Variants in ITPR3 observed in about 807,000 individuals in gnomAD.
ITPR3 encodes the protein inositol 1,4,5-trisphosphate-gated calcium channel ITPR3.
Under a neutral mutation model 293.2 loss-of-function variants are expected in ITPR3, and 173 were observed. That is an observed-to-expected ratio of 0.59 (90% CI 0.52 to 0.67). ITPR3 has a LOEUF of 0.67. Ranked by LOEUF, ITPR3 falls within the 30% of genes least tolerant of loss-of-function variation. ITPR3 has a pLI of 0.00. For missense variants in ITPR3, 2,796 were observed against 3,592.1 expected, an observed-to-expected ratio of 0.78 and a Z score of 5.66; for synonymous variants, 1,295 against 1,444.4, an observed-to-expected ratio of 0.90 and a Z score of 2.35.
chr6:33,663,642 T>C (rs1764534714), intron 10 of ITPR3, 92 bp downstream of exon 10: 5 of 1,607,320 alleles, frequency 3.1e-6, no homozygotes, highest in East Asian at 2.2e-5. Context: ...GGAGGTGGGC[T>C]GGAGGGAGAC....
Position 33,667,778 on chromosome 6 carries a change from G to T in ITPR3, c.1714-14G>T. ...TGTGACTCTCTGTGACCCCCAGCCT[G>T]TCTGCCCCCCCAGGAGCACATTGCC... is the stretch of plus-strand genomic sequence containing the variant. On this transcript the variant is annotated splice_polypyrimidine_tract_variant and intron_variant, in intron 15 of 57. Coordinates refer to ENST00000605930, the MANE Select transcript of ITPR3 (RefSeq NM_002224.4). The surrounding 1 kb of genome is among the most constrained non-coding windows in gnomAD (Gnocchi z 4.4). 6.2e-7 allele frequency: 1 copy of T among 1,613,636 alleles called. No homozygotes were observed. The highest frequency in any genetic ancestry group is 1.3e-5 in the African/African-American group (1 of 75,018).
chr6:33,649,755 A>G (rs1041426472), intron 2 of ITPR3, among the ~76,000 whole-genome samples: 2 of 152,186 alleles, frequency 1.3e-5, no homozygotes, highest in African/African-American at 2.4e-5. Context: ...TGAGCAGCAG[A>G]ACCATGTGGG....
chr6:33,678,602 G>GC, intron 29 of ITPR3, 37 bp from the exon 30 acceptor site: 2 of 1,455,500 alleles, frequency 1.4e-6, no homozygotes, highest in Non-Finnish European at 1.9e-6. Context: ...TGGGGGCGGG[G>GC]CCCAGATCTC....
intron 24 of ITPR3, among the ~76,000 whole-genome samples, chr6:33,674,905 C>T (rs6913517): frequency 0.059 from 9,010 of 152,162 alleles, 275 homozygotes; most frequent in African/African-American, 0.067. Flanking sequence ...CGAATATAAA[C>T]GATATTTTGT....
At position 33,664,876 on chromosome 6, in the gene ITPR3, G is replaced by C. The variant is rs754950000; in HGVS notation, c.1155G>C (p.Ser385=). Residue 385 remains serine (S), a synonymous_variant, in exon 12 of 58, where the codon TCG becomes TCC. Transcript: ENST00000605930. The surrounding 1 kb of genome is among the most constrained non-coding windows in gnomAD (Gnocchi z 4.4). ...CCCTCCCACCCACCTGCAGGAACTC[G>C]TACGTCCGGCTGCGGCACCTCTGCA... ...QKTDSFVPRN[S]YVRLRHLCTN... is the part of the protein sequence containing the mutation. 34 of 1,613,484 alleles carry C rather than the reference G, an allele frequency of 2.1e-5. No individual in the cohort carries two copies. The highest frequency in any genetic ancestry group is 3.3e-5 in the Admixed American group (2 of 59,990).
rs867279376 is a variant in ITPR3 at position 33,683,246 on chromosome 6, C to T, written c.4637C>T (p.Ala1546Val). The T allele has an allele frequency of 6.4e-7, 1 of 1,558,738 alleles. No individual in the cohort carries two copies. Among genetic ancestry groups the T allele is most frequent in the East Asian group, 2.4e-5 (1 of 42,140 alleles). Reference protein sequence around the residue: ...RAILLPMDLDAHISSMLSSGA... With the variant: ...RAILLPMDLDVHISSMLSSGA... ...ATCTTGCTGCCCATGGACCTGGATG[C>T]CCACATCAGCTCGATGCTCAGCAGT... The change falls in exon 35 of 58, where the codon GCC becomes GTC. Residue 1546 changes from alanine (A) to valine (V), a missense_variant. Ala to Val is a moderately conservative substitution (Grantham distance 64, BLOSUM62 0). This residue lies in a region of ITPR3 where 704 missense variants were observed against 797.5 expected (regional missense o/e 0.88). Transcript: ENST00000605930. The surrounding 1 kb of genome is among the most constrained non-coding windows in gnomAD (Gnocchi z 4.5).
intron 23 of ITPR3, 51 bp from the exon 24 acceptor site, chr6:33,674,157 C>G (rs551421133): frequency 1.2e-6 from 2 of 1,606,756 alleles, no homozygotes; most frequent in Admixed American, 1.7e-5. Flanking sequence ...GTGCTCCCCT[C>G]TTTCCCGGGC....
At chr6:33,678,978 G>A (rs1286275140) in intron 30 of ITPR3, 139 bp downstream of exon 30, 18 of 863,422 alleles carry the variant, frequency 2.1e-5, no homozygotes, top group Admixed American at 4.3e-5. Context: ...TGGAGGGGAC[G>A]CAGAGGGAGA....
intron 1 of ITPR3, among the ~76,000 whole-genome samples, chr6:33,629,965 C>T (rs1763636071): frequency 6.6e-6 from 1 of 152,206 alleles, no homozygotes; most frequent in South Asian, 2.1e-4. Context: ...GTGGCACATG[C>T]CTGTGGTCCC....
intron 3 of ITPR3, among the ~76,000 whole-genome samples, chr6:33,656,875 T>C (rs1382363548): frequency 6.6e-6 from 1 of 152,234 alleles, no homozygotes; most frequent in African/African-American, 2.4e-5. Flanking sequence ...CTGCGCCTTA[T>C]AGCTGTGGAC....
intron 9 of ITPR3, 65 bp downstream of exon 9, chr6:33,663,071 A>G (rs1364230584): frequency 7.5e-7 from 1 of 1,339,100 alleles, no homozygotes. Context: ...GTGCGGGAAC[A>G]TGTGTGCACA....
Position 33,670,879 on chromosome 6 carries a change from C to A in ITPR3, c.2586+64C>A. On this transcript the variant is annotated intron_variant, in intron 20 of 57. Transcript: ENST00000605930. This position sits in a 1 kb window ranked among gnomAD's most constrained non-coding sequence, Gnocchi z 6.7. ...GCTCTTGTTGGCCCCACACTGGCCT[C>A]GGTCTTCACCCAGGAGTCGGCTGTG... The A allele has an allele frequency of 1.1e-5, 17 of 1,576,452 alleles. No individual in the cohort carries two copies. The highest frequency in any genetic ancestry group is 1.5e-5 in the Non-Finnish European group (17 of 1,160,732).
In ITPR3 at chr6:33,691,628, G is replaced by A. The variant is rs764151963; in HGVS notation, c.7239G>A (p.Gly2413=). The A allele has an allele frequency of 6.2e-7, 1 of 1,614,054 alleles. No homozygotes were observed. The highest frequency in any genetic ancestry group is 1.1e-5 in the South Asian group (1 of 91,080). The stretch of plus-strand genomic sequence containing the variant: ...TATCCCCTCCAGCCAGCCCCCTGGG[G>A]ATGCCACATGGAGCTGCTGCATTTG... ...PNNHSTASPL[G]MPHGAAAFVD... Residue 2413 remains glycine, a synonymous_variant, in exon 53 of 58, where the codon GGG becomes GGA. Coordinates refer to ENST00000605930, the MANE Select transcript of ITPR3 (RefSeq NM_002224.4). This position sits in a 1 kb window ranked among gnomAD's most constrained non-coding sequence, Gnocchi z 4.9.
chr6:33,693,110 G>A (rs1765439207), intron 55 of ITPR3, among the ~76,000 whole-genome samples: 1 of 152,166 alleles, frequency 6.6e-6, no homozygotes, highest in Non-Finnish European at 1.5e-5. Context: ...AAACCCTTGG[G>A]GTTTCTAGGT....
At position 33,663,896 on chromosome 6, in the gene ITPR3, G is replaced by A. The variant is rs374845646; in HGVS notation, c.1148+16G>A. On this transcript the variant is annotated intron_variant, in intron 11 of 57. Coordinates refer to ENST00000605930, the MANE Select transcript of ITPR3 (RefSeq NM_002224.4). ...TCGTGCCCCGGTGGGTATGCGCCAT[G>A]TGCCTGGGAGTTGACTGGTGGTGCT... The A allele has an allele frequency of 1.5e-5, 25 of 1,613,490 alleles. No homozygotes were observed. In the African/African-American group the frequency reaches 3.2e-4, roughly 21 times the overall value.
Position 33,633,424 on chromosome 6 carries a change from C to T in ITPR3, c.90-7060C>T, listed in dbSNP as rs1005804588. 1.3e-5 allele frequency among the ~76,000 whole-genome samples: 2 copies of T among 152,160 alleles called. No individual in the cohort carries two copies. The highest frequency in any genetic ancestry group is 2.9e-5 in the Non-Finnish European group (2 of 67,986). On this transcript the variant is annotated intron_variant, in intron 1 of 57. Coordinates refer to ENST00000605930, the MANE Select transcript of ITPR3 (RefSeq NM_002224.4). The surrounding 1 kb of genome is among the most constrained non-coding windows in gnomAD (Gnocchi z 5.2). ...GCGCACTCAGCAGGGCACCTGTGGT[C>T]CGGCTAGTTTGATAAACACAGGTGC...
intron 41 of ITPR3, 37 bp downstream of exon 41, chr6:33,685,864 T>C: frequency 6.5e-7 from 1 of 1,547,616 alleles, no homozygotes; most frequent in African/African-American, 1.4e-5. Context: ...CTTCCCCCGC[T>C]GGCCAGCCGG....
At position 33,683,177 on chromosome 6, in the gene ITPR3, C is replaced by A; in HGVS notation, c.4598-30C>A. The stretch of plus-strand genomic sequence containing the variant: ...GCTGGCTGAACTGCCCCCGCACCAG[C>A]ACTCCAGCACTCCCTCCCTTCCCAC... On this transcript the variant is annotated intron_variant, in intron 34 of 57. Coordinates refer to ENST00000605930, the MANE Select transcript of ITPR3 (RefSeq NM_002224.4). The surrounding 1 kb of genome is among the most constrained non-coding windows in gnomAD (Gnocchi z 4.5). 6.8e-7 allele frequency: 1 copy of A among 1,463,328 alleles called. No homozygotes were observed. The highest frequency in any genetic ancestry group is 2.3e-5 in the Admixed American group (1 of 43,860). 90.6% of individuals were successfully genotyped at this position (1,463,328 alleles called of 1,614,324 possible).
At position 33,679,032 on chromosome 6, in the gene ITPR3, A is replaced by G. The variant is rs898583855; in HGVS notation, c.3972+193A>G. ...GTAGAACTCAGCCTGTGGGCCTGAT[A>G]GAACTCAAGCAGGGTCCCAGTAGCA... On this transcript the variant is annotated intron_variant, in intron 30 of 57. Coordinates refer to ENST00000605930, the MANE Select transcript of ITPR3 (RefSeq NM_002224.4). This position sits in a 1 kb window ranked among gnomAD's most constrained non-coding sequence, Gnocchi z 4.2. 3.9e-5 allele frequency among the ~76,000 whole-genome samples: 6 copies of G among 152,244 alleles called. No individual in the cohort carries two copies. The highest frequency in any genetic ancestry group is 3.3e-4 in the Admixed American group (5 of 15,282).
Sources: gnomAD v4.1 joint callset for allele counts (sites outside exome capture counted in the v4.1 genomes callset) on GRCh38, gnomAD v4.1.1 for gene constraint, gnomAD v4.1.1 regional missense constraint, Gnocchi (gnomAD v3.1) non-coding constraint, MANE v1.5 for transcripts, NCBI Gene and HGNC (gene_info 2026-07-23, HGNC 2026-07-21) for gene names.